Variants in PKD2 observed in about 807,000 individuals in gnomAD.
PKD2 encodes the protein polycystin-2.
A neutral mutation model predicts 105.9 loss-of-function variants in PKD2; 48 were observed. The ratio of observed to expected loss-of-function variants is 0.45; its 90% CI spans 0.36 to 0.58. The LOEUF is 0.58. Among genes scored for constraint, PKD2 ranks in the 20% least tolerant of loss-of-function variants. The pLI is 0.00. For missense variants in PKD2, 1,078 were observed against 1,255.3 expected (o/e 0.86, Z 2.13); for synonymous variants, 464 against 481.1 (o/e 0.96, Z 0.46).
Position 88,067,917 on chromosome 4 carries a change from A to G in PKD2, c.2378A>G (p.His793Arg). ...EKEREDLDLD[H>R]SSLPRPMSSR... ...CTTCAGGAGGACCTGGATTTGGATC[A>G]CAGTTCTTTACCACGTCCCATGAGC... The change falls in exon 13 of 15, where the codon CAC (histidine) becomes CGC (arginine). Residue 793 changes from histidine to arginine, a missense_variant. His to Arg is a conservative substitution (Grantham distance 29, BLOSUM62 0). Transcript: ENST00000237596. The G allele has an allele frequency of 1.2e-6, 2 of 1,613,982 alleles. No individual in the cohort carries two copies. Among genetic ancestry groups the G allele is most frequent in the Non-Finnish European group, 1.7e-6 (2 of 1,179,966 alleles).
chr4:88,013,716 A>C, intron 1 of PKD2, among the ~76,000 whole-genome samples: 1 of 152,056 alleles, frequency 6.6e-6, no homozygotes. Flanking sequence ...ATCTAAAAAA[A>C]AAAAAAAGAG....
chr4:88,067,747 C>A, intron 12 of PKD2, 151 bp from the exon 13 acceptor site: 1 of 722,146 alleles, frequency 1.4e-6, no homozygotes, highest in Non-Finnish European at 2.4e-6. Flanking sequence ...ATCTATGAAA[C>A]TGAAAAATGC....
At chr4:88,065,343 C>A in intron 10 of PKD2, 31 bp from the exon 11 acceptor site, 1 of 1,602,926 alleles carries the variant, frequency 6.2e-7, no homozygotes, top group South Asian at 1.1e-5. Flanking sequence ...ATACACTAAA[C>A]CAAGTCTTTT....
At chr4:88,008,394 CGCCCGCT>C in intron 1 of PKD2, 66 bp downstream of exon 1, 1 of 1,461,358 alleles carries the variant, frequency 6.8e-7, no homozygotes, top group Non-Finnish European at 9.0e-7. Context: ...CCGGGGCCAT[CGCCCGCT>C]GCGGCAGCTC....
At position 88,061,975 on chromosome 4, in the gene PKD2, G is replaced by C; in HGVS notation, c.2089G>C (p.Glu697Gln). The C allele has an allele frequency of 1.3e-6, 2 of 1,560,480 alleles. No individual in the cohort carries two copies. Among genetic ancestry groups the C allele is most frequent in the Non-Finnish European group, 1.8e-6 (2 of 1,131,658 alleles). Reference sequence around the variant, plus strand: ...ATCTGACTTGGCACAGCAGAAAGCTGAAATGGAACTCTCAGATCTTATCAG... The same window carrying C: ...ATCTGACTTGGCACAGCAGAAAGCTCAAATGGAACTCTCAGATCTTATCAG... ...VKSDLAQQKA[E>Q]MELSDLIRKG... The change falls in exon 10 of 15, where the codon GAA becomes CAA. Residue 697 changes from glutamate to glutamine, a missense_variant. Physicochemically the swap from Glu to Gln is conservative, Grantham distance 29. Transcript: ENST00000237596.
chr4:88,035,659 G>A (rs1036453899), intron 2 of PKD2, among the ~76,000 whole-genome samples: 11 of 152,142 alleles, frequency 7.2e-5, no homozygotes, highest in Non-Finnish European at 1.2e-4. Context: ...CTCTGACCTC[G>A]GTATCCCCAA....
chr4:88,036,513 A>C, intron 3 of PKD2, 160 bp downstream of exon 3: 2 of 703,392 alleles, frequency 2.8e-6, no homozygotes, highest in Non-Finnish European at 3.5e-6. Flanking sequence ...TCCTACTCTC[A>C]AAGGGGGTAA....
At chr4:88,070,260 A>AT (rs35811508) in intron 13 of PKD2, among the ~76,000 whole-genome samples, 1 of 151,790 alleles carries the variant, frequency 6.6e-6, no homozygotes, top group Non-Finnish European at 1.5e-5. Context: ...CACTTTCAAG[A>AT]TTTTTTTGCT....
At chr4:88,024,874 C>T (rs1726897744) in intron 2 of PKD2, among the ~76,000 whole-genome samples, 2 of 152,162 alleles carry the variant, frequency 1.3e-5, no homozygotes, top group Non-Finnish European at 1.5e-5. Flanking sequence ...GTGGCTCATG[C>T]CTGTAATTCC....
chr4:88,045,278 C>T (rs1360199745), intron 5 of PKD2, among the ~76,000 whole-genome samples: 1 of 152,232 alleles, frequency 6.6e-6, no homozygotes, highest in Non-Finnish European at 1.5e-5. Context: ...GAAGCTGTCA[C>T]ATACAAGGCT....
At chr4:88,017,870 T>C (rs1167012747) in intron 1 of PKD2, among the ~76,000 whole-genome samples, 1 of 152,200 alleles carries the variant, frequency 6.6e-6, no homozygotes, top group Admixed American at 6.5e-5. Flanking sequence ...GGTAACAGTC[T>C]TCCCTGGGAG....
chr4:88,016,186 G>A (rs1245741171), intron 1 of PKD2, among the ~76,000 whole-genome samples: 1 of 152,176 alleles, frequency 6.6e-6, no homozygotes, highest in Non-Finnish European at 1.5e-5. Context: ...GTTCCTAACA[G>A]GCCATGGACC....
chr4:88,070,807 A>C (rs920266055), intron 13 of PKD2, among the ~76,000 whole-genome samples: 1 of 151,288 alleles, frequency 6.6e-6, no homozygotes, highest in Non-Finnish European at 1.5e-5. Flanking sequence ...AATTTTTAAA[A>C]AAAAATTTGT....
At chr4:88,071,294 C>T (rs1346662793) in intron 13 of PKD2, among the ~76,000 whole-genome samples, 2 of 151,696 alleles carry the variant, frequency 1.3e-5, no homozygotes, top group Non-Finnish European at 2.9e-5. Flanking sequence ...AAGTGATCCT[C>T]CCTGCTCAGG....
intron 2 of PKD2, among the ~76,000 whole-genome samples, chr4:88,021,282 C>A (rs953583995): frequency 1.3e-5 from 2 of 152,094 alleles, no homozygotes; most frequent in African/African-American, 4.8e-5. Flanking sequence ...ACTAACAGAG[C>A]CTCCATAATG....
At position 88,069,064 on chromosome 4, in the gene PKD2, A is replaced by C. The variant is rs190598579; in HGVS notation, c.2522+1003A>C. On this transcript the variant is annotated intron_variant, in intron 13 of 14. Transcript: ENST00000237596. ...ATGTTATCCACTTTATCTCTAGTAA[A>C]ATTCTTTGTTTTAAGTATTTTTTGT... 3.9e-5 allele frequency among the ~76,000 whole-genome samples: 6 copies of C among 152,232 alleles called. No homozygotes were observed. The East Asian group carries it at 1.2e-3, about 29-fold the overall frequency.
chr4:88,067,121 G>A (rs556196930), intron 12 of PKD2, among the ~76,000 whole-genome samples: 60 of 152,278 alleles, frequency 3.9e-4, no homozygotes, highest in African/African-American at 1.3e-3. Flanking sequence ...ATGTGAGTCT[G>A]AAATGCTCCA....
chr4:88,028,842 A>T (rs1727045742), intron 2 of PKD2, among the ~76,000 whole-genome samples: 1 of 152,214 alleles, frequency 6.6e-6, no homozygotes, highest in Admixed American at 6.5e-5. Context: ...TATATCCAAG[A>T]TTGTCTGTAT....
rs767469818 is a variant in PKD2 at position 88,056,177 on chromosome 4, T to C, written c.1808T>C (p.Met603Thr). ...CAKDLFGFAI[M>T]FFIIFLAYAQ... ...AAAGACCTGTTTGGCTTTGCTATTATGTTCTTCATTATTTTCCTAGCGTAT... is the reference window on the plus strand; with the variant it reads ...AAAGACCTGTTTGGCTTTGCTATTACGTTCTTCATTATTTTCCTAGCGTAT... Residue 603 changes from methionine to threonine, a missense_variant, in exon 8 of 15, where the codon ATG (methionine) becomes ACG (threonine). Transcript: ENST00000237596. 2 of 1,613,768 alleles carry C rather than the reference T, an allele frequency of 1.2e-6. No homozygotes were observed. The highest frequency in any genetic ancestry group is 1.7e-6 in the Non-Finnish European group (2 of 1,179,632).
Sources: gnomAD v4.1 joint callset for allele counts (sites outside exome capture counted in the v4.1 genomes callset) on GRCh38, gnomAD v4.1.1 for gene constraint, MANE v1.5 for transcripts, NCBI Gene and HGNC (gene_info 2026-07-23, HGNC 2026-07-21) for gene names.